Variants in LRP1B observed in about 807,000 individuals in gnomAD.
LRP1B encodes the protein LDL receptor related protein 1B, also known as low-density lipoprotein receptor-related protein 1B.
LRP1B carries 217 observed loss-of-function variants against 556.6 expected under a neutral mutation model. The observed-to-expected ratio is 0.39, with a 90% CI of 0.35 to 0.44. The LOEUF is 0.44. Among genes scored for constraint, LRP1B ranks in the 20% least tolerant of loss-of-function variants. The pLI is 1.00. For synonymous variants in LRP1B, 2,047 were observed against 1,865.8 expected (o/e 1.10, Z -2.50); for missense variants, 5,053 against 5,620.8 (o/e 0.90, Z 3.23).
chr2:140,687,005 G>A (rs1164113674), intron 41 of LRP1B, among the ~76,000 whole-genome samples: 1 of 152,066 alleles, frequency 6.6e-6, no homozygotes, highest in Admixed American at 6.6e-5. Context: ...ACAGGATGCA[G>A]GTAAAGAAAA....
chr2:141,287,141 A>AC (rs1435783175), intron 3 of LRP1B, among the ~76,000 whole-genome samples: 1 of 152,138 alleles, frequency 6.6e-6, no homozygotes, highest in African/African-American at 2.4e-5. Flanking sequence ...TTTCAAAAAA[A>AC]CAAATGTTGG....
At chr2:141,141,053 T>C (rs560239117) in intron 7 of LRP1B, among the ~76,000 whole-genome samples, 1 of 152,182 alleles carries the variant, frequency 6.6e-6, no homozygotes, top group African/African-American at 2.4e-5. Flanking sequence ...AATTGCTAGA[T>C]AAGAAATTAA....
chr2:141,874,457 A>C (rs2104880283), intron 1 of LRP1B, among the ~76,000 whole-genome samples: 1 of 152,022 alleles, frequency 6.6e-6, no homozygotes. Flanking sequence ...ATATTTTATT[A>C]GTTCTACTCA....
rs75378337 is a variant in LRP1B at position 141,690,634 on chromosome 2, G to T, written c.205+119645C>A. Among the ~76,000 whole-genome samples, 440 of 150,624 alleles carry T rather than the reference G, an allele frequency of 2.9e-3. 4 individuals are homozygous for T. The highest frequency in any genetic ancestry group is 0.01 in the African/African-American group (412 of 41,180). The stretch of plus-strand genomic sequence containing the variant: ...GCTGACATCAATAACTAGGGATTCT[G>T]CTCTTATCTTTGCTAATCCCATAAT... On this transcript the variant is annotated intron_variant, in intron 2 of 90. Transcript: ENST00000389484.
chr2:140,976,002 C>T (rs1352391879), intron 18 of LRP1B, among the ~76,000 whole-genome samples: 2 of 152,024 alleles, frequency 1.3e-5, no homozygotes, highest in Non-Finnish European at 2.9e-5. Context: ...ACTGCAGCCT[C>T]AACCTCCTGG....
intron 31 of LRP1B, among the ~76,000 whole-genome samples, chr2:140,834,370 G>C (rs143585294): frequency 0.017 from 2,522 of 152,248 alleles, 65 homozygotes; most frequent in African/African-American, 0.057. Context: ...CTCTCGAGTA[G>C]CTGGGACTAC....
At chr2:141,574,991 G>A (rs553559424) in intron 2 of LRP1B, among the ~76,000 whole-genome samples, 12 of 152,118 alleles carry the variant, frequency 7.9e-5, no homozygotes, top group African/African-American at 2.2e-4. Context: ...CCATTCTCAC[G>A]GACAGGAAGA....
intron 41 of LRP1B, among the ~76,000 whole-genome samples, chr2:140,602,008 G>A (rs1205139649): frequency 6.6e-6 from 1 of 151,962 alleles, no homozygotes; most frequent in Non-Finnish European, 1.5e-5. Context: ...TCAGCAATAC[G>A]ACTTAGATAC....
intron 84 of LRP1B, among the ~76,000 whole-genome samples, chr2:140,279,578 A>T (rs2104962637): frequency 1.3e-5 from 2 of 152,012 alleles, no homozygotes; most frequent in African/African-American, 4.8e-5. Flanking sequence ...ATTACTACAC[A>T]CTCATATTTA....
Position 141,143,073 on chromosome 2 carries a change from C to T in LRP1B, c.1013+45348G>A, listed in dbSNP as rs998233126. ...CCTCCCGAGTAACTGGGATTACAGGCGCGTGCTACCACGCCTGGCTAATTT... is the reference window on the plus strand; with the variant it reads ...CCTCCCGAGTAACTGGGATTACAGGTGCGTGCTACCACGCCTGGCTAATTT... On this transcript the variant is annotated intron_variant, in intron 7 of 90. Transcript: ENST00000389484. Among the ~76,000 whole-genome samples, 20 of 151,828 alleles carry T rather than the reference C, an allele frequency of 1.3e-4. No individual in the cohort carries two copies. In the South Asian group the frequency reaches 1.7e-3, roughly 13 times the overall value.
chr2:141,443,260 C>A (rs1681054240), intron 3 of LRP1B, among the ~76,000 whole-genome samples: 1 of 152,148 alleles, frequency 6.6e-6, no homozygotes, highest in Admixed American at 6.5e-5. Context: ...ATCCTTCACC[C>A]ACTTTTTGAT....
intron 25 of LRP1B, among the ~76,000 whole-genome samples, chr2:140,869,334 G>A (rs545179750): frequency 7.9e-5 from 12 of 152,088 alleles, no homozygotes; most frequent in African/African-American, 2.9e-4. Context: ...TGAAAGAGCT[G>A]TAATGCTCCT....
At chr2:141,364,252 A>T (rs1009116907) in intron 3 of LRP1B, among the ~76,000 whole-genome samples, 5 of 148,562 alleles carry the variant, frequency 3.4e-5, no homozygotes, top group Non-Finnish European at 7.4e-5. Context: ...TAGAATGAAG[A>T]TATAACCTGG....
chr2:141,715,093 C>A (rs550004642), intron 2 of LRP1B, among the ~76,000 whole-genome samples: 1 of 152,130 alleles, frequency 6.6e-6, no homozygotes, highest in Non-Finnish European at 1.5e-5. Flanking sequence ...ATCACACTCT[C>A]TTTGTAATAG....
intron 1 of LRP1B, among the ~76,000 whole-genome samples, chr2:141,964,420 G>C (rs1260916914): frequency 2.0e-5 from 3 of 147,544 alleles, no homozygotes; most frequent in South Asian, 2.2e-4. Context: ...GAACAGAACA[G>C]AGCCCTCAGA....
At chr2:142,026,556 A>G (rs1703512439) in intron 1 of LRP1B, among the ~76,000 whole-genome samples, 1 of 152,126 alleles carries the variant, frequency 6.6e-6, no homozygotes, top group Admixed American at 6.6e-5. Flanking sequence ...TTTAATAAAT[A>G]AACCATATCC....
chr2:141,484,234 G>A (rs1352662388), intron 2 of LRP1B, among the ~76,000 whole-genome samples: 1 of 145,150 alleles, frequency 6.9e-6, no homozygotes, highest in Non-Finnish European at 1.5e-5. Context: ...TTTCCCCATT[G>A]CTTGTTTTTG....
chr2:141,964,778 C>G (rs1354429786), intron 1 of LRP1B, among the ~76,000 whole-genome samples: 30 of 151,904 alleles, frequency 2.0e-4, no homozygotes, highest in Admixed American at 2.0e-3. Flanking sequence ...TTCTACACAG[C>G]AAAAGAAACT....
chr2:140,673,228 C>A (rs534393743), intron 41 of LRP1B, among the ~76,000 whole-genome samples: 4 of 152,320 alleles, frequency 2.6e-5, no homozygotes, highest in African/African-American at 7.2e-5. Flanking sequence ...TCATTGCTTA[C>A]AACTCCTGCT....
Sources: allele counts gnomAD v4.1 joint callset (sites outside exome capture counted in the v4.1 genomes callset), GRCh38; gene constraint gnomAD v4.1.1; transcripts MANE v1.5; gene names NCBI Gene and HGNC (gene_info 2026-07-23, HGNC 2026-07-21).